The following DENND3 variants were observed in gnomAD, a reference collection of about 807,000 sequenced individuals.
DENND3 encodes DENN domain-containing protein 3.
DENND3 carries 88 observed loss-of-function variants against 135.1 expected under a neutral mutation model. The observed-to-expected ratio is 0.65, with a 90% CI of 0.55 to 0.78. The LOEUF (loss-of-function observed/expected upper bound fraction) is 0.78. DENND3 is among the 30% of genes least tolerant of loss of function. The pLI, the probability that DENND3 is intolerant of heterozygous loss-of-function variation, is 0.00. For missense variants in DENND3, 1,392 were observed against 1,688.4 expected, an observed-to-expected ratio of 0.82 and a Z score of 3.08; for synonymous variants, 693 against 712.3, an observed-to-expected ratio of 0.97 and a Z score of 0.43.
chr8:141,158,977 A>C (rs1183047600), intron 8 of DENND3, among the ~76,000 whole-genome samples: 3 of 152,158 alleles, frequency 2.0e-5, no homozygotes, highest in Non-Finnish European at 4.4e-5. Context: ...TACATGAGGA[A>C]AGTCATCAAA....
rs1047593112 is a variant in DENND3, at chr8:141,168,673, G to C, written c.2275+148G>C. 2 of 996,164 alleles carry C rather than the reference G, an allele frequency of 2.0e-6. No homozygotes were observed. Among genetic ancestry groups the C allele is most frequent in the Admixed American group, 5.8e-5 (2 of 34,356 alleles). The allele number at this position is 996,164 out of a possible 1,614,324, so 61.7% of individuals were successfully genotyped here. ...CAGTCCTCCCACCTCAGCCTCCCGA[G>C]TAGCTGGGACTAGACTACAGGTACG... On this transcript the variant is annotated intron_variant, in intron 13 of 22. Transcript: ENST00000519811. The surrounding 1 kb of genome is among the most constrained non-coding windows in gnomAD (Gnocchi z 6.2).
At chr8:141,155,310 AT>A (rs1398244197) in intron 7 of DENND3, among the ~76,000 whole-genome samples, 2 of 152,234 alleles carry the variant, frequency 1.3e-5, no homozygotes, top group Non-Finnish European at 2.9e-5. Context: ...AGAAAGGCAT[AT>A]TTAATCAAAT....
rs1370432833 is a variant in DENND3, at chr8:141,130,679, G to C, written c.102+1870G>C. On this transcript the variant is annotated intron_variant, in intron 1 of 22. Transcript: ENST00000519811. The surrounding 1 kb of genome is among the most constrained non-coding windows in gnomAD (Gnocchi z 4.2). Reference sequence around the variant, plus strand: ...GGCGGTTCTATTTTGAATGTCCAAGGCTTTTAAATATATTTTTTTTTTTTT... The same window carrying C: ...GGCGGTTCTATTTTGAATGTCCAAGCCTTTTAAATATATTTTTTTTTTTTT... Among the ~76,000 whole-genome samples, 1 of 146,340 alleles carries C rather than the reference G, an allele frequency of 6.8e-6. No individual in the cohort carries two copies. The highest frequency in any genetic ancestry group is 2.5e-5 in the African/African-American group (1 of 39,452).
At chr8:141,147,257 T>G (rs1352282505) in intron 5 of DENND3, among the ~76,000 whole-genome samples, 1 of 152,236 alleles carries the variant, frequency 6.6e-6, no homozygotes, top group Non-Finnish European at 1.5e-5. Context: ...GCCTGTCTGC[T>G]TTGGTTCATT....
intron 9 of DENND3, among the ~76,000 whole-genome samples, chr8:141,161,568 C>T (rs1196971891): frequency 6.6e-6 from 1 of 152,202 alleles, no homozygotes; most frequent in Non-Finnish European, 1.5e-5. Context: ...TAGATAAGTA[C>T]TTTTTAATGC....
At chr8:141,142,715 G>T (rs1166767365) in intron 4 of DENND3, 3 of 205,830 alleles carry the variant, frequency 1.5e-5, no homozygotes, top group Non-Finnish European at 3.1e-5. Context: ...CCTGTACATG[G>T]TCCCCTTTTA....
chr8:141,180,983 G>A, intron 17 of DENND3, 129 bp downstream of exon 17: 1 of 711,820 alleles, frequency 1.4e-6, no homozygotes, highest in South Asian at 2.1e-5. Flanking sequence ...CAAGGTGCCT[G>A]TTGCTTTCTG....
chr8:141,184,197 G>T (rs1823580930), intron 17 of DENND3, among the ~76,000 whole-genome samples: 1 of 152,234 alleles, frequency 6.6e-6, no homozygotes, highest in South Asian at 2.1e-4. Flanking sequence ...TTTAAAATGG[G>T]TGCTGCTAAA....
intron 1 of DENND3, 39 bp from the exon 2 acceptor site, chr8:141,136,470 T>G: frequency 3.3e-6 from 5 of 1,509,160 alleles, no homozygotes; most frequent in African/African-American, 1.4e-5. Flanking sequence ...GAACAAGAGC[T>G]GAGGCTGTGG....
intron 19 of DENND3, among the ~76,000 whole-genome samples, chr8:141,189,980 T>C (rs1824478925): frequency 6.6e-6 from 1 of 152,244 alleles, no homozygotes; most frequent in African/African-American, 2.4e-5. Context: ...AACACCTCAT[T>C]GAGCCTGCGG....
In DENND3 at chr8:141,163,313, A is replaced by G. The variant is rs745572534; in HGVS notation, c.1353-20A>G. On this transcript the variant is annotated intron_variant, in intron 9 of 22. Transcript: ENST00000519811. ...TATTTAAGAAAGTTTTAGCACTCAG[A>G]CTCTCTTTCTCTTTGTTAGGGATGT... The G allele has an allele frequency of 4.1e-6, 6 of 1,471,414 alleles. No homozygotes were observed. In the East Asian group the frequency reaches 1.4e-4, roughly 34 times the overall value. The allele number at this position is 1,471,414 out of a possible 1,614,324, so 91.1% of individuals were successfully genotyped here.
chr8:141,136,331 G>A (rs1589533966), intron 1 of DENND3, among the ~76,000 whole-genome samples, 178 bp from the exon 2 acceptor site: 1 of 152,218 alleles, frequency 6.6e-6, no homozygotes, highest in East Asian at 1.9e-4. Flanking sequence ...CTGAACATAG[G>A]GCCTGGCAGG....
chr8:141,167,875 G>A lies in DENND3; in HGVS notation c.1754-129G>A. ...GGTGGGTGTGTGGAGCTTTCTGGAG[G>A]GAGCACACCCATTCTCATTTTATTT... On this transcript the variant is annotated intron_variant, in intron 12 of 22. Transcript: ENST00000519811. The surrounding 1 kb of genome is among the most constrained non-coding windows in gnomAD (Gnocchi z 4.1). 1 of 1,330,124 alleles carries A rather than the reference G, an allele frequency of 7.5e-7. No individual in the cohort carries two copies. The highest frequency in any genetic ancestry group is 1.0e-6 in the Non-Finnish European group (1 of 975,544). The allele number at this position is 1,330,124 out of a possible 1,614,324, so 82.4% of individuals were successfully genotyped here. A position where few individuals can be genotyped will look rare whatever the true frequency, so the allele number is the denominator to read the frequency against.
chr8:141,151,883 C>T, intron 7 of DENND3, 46 bp downstream of exon 7: 1 of 1,597,604 alleles, frequency 6.3e-7, no homozygotes, highest in Non-Finnish European at 8.6e-7. Context: ...TCCTGTGAGT[C>T]CATCACGGGG....
intron 17 of DENND3, among the ~76,000 whole-genome samples, chr8:141,184,120 G>T (rs1823571773): frequency 6.6e-6 from 1 of 152,242 alleles, no homozygotes; most frequent in Non-Finnish European, 1.5e-5. Context: ...CCCAGACCCT[G>T]CCACAGGAAA....
chr8:141,181,194 C>G (rs934586849), intron 17 of DENND3, among the ~76,000 whole-genome samples: 6 of 152,196 alleles, frequency 3.9e-5, no homozygotes, highest in African/African-American at 1.4e-4. Context: ...GAGTCTTGCT[C>G]TGTCACCCAG....
chr8:141,180,399 G>A (rs530269667), intron 16 of DENND3, among the ~76,000 whole-genome samples: 2 of 152,324 alleles, frequency 1.3e-5, no homozygotes, highest in East Asian at 3.9e-4. Context: ...TGGGCACTGT[G>A]TCATGTTTGG....
At chr8:141,189,915 G>A (rs923703932) in intron 19 of DENND3, among the ~76,000 whole-genome samples, 4 of 152,166 alleles carry the variant, frequency 2.6e-5, no homozygotes, top group African/African-American at 4.8e-5. Flanking sequence ...TTGTGTGAAC[G>A]GGGACCGCTG....
intron 8 of DENND3, among the ~76,000 whole-genome samples, chr8:141,156,289 C>T (rs1381940148): frequency 6.6e-6 from 1 of 152,028 alleles, no homozygotes; most frequent in African/African-American, 2.4e-5. Context: ...CAGTTTTCAC[C>T]ATGTTGGCCA....
Sources: gnomAD v4.1 joint callset for allele counts (sites outside exome capture counted in the v4.1 genomes callset) on GRCh38, gnomAD v4.1.1 for gene constraint, Gnocchi (gnomAD v3.1) non-coding constraint, MANE v1.5 for transcripts, NCBI Gene and HGNC (gene_info 2026-07-23, HGNC 2026-07-21) for gene names.